RYR2: variants seen among roughly 807,000 people sequenced by gnomAD.
RYR2 encodes the protein cardiac muscle ryanodine receptor-calcium release channel.
In RYR2, 227 loss-of-function variants were observed where a neutral mutation model predicts 601.1. The ratio of observed to expected loss-of-function variants is 0.38; its 90% confidence interval spans 0.34 to 0.42. The LOEUF (loss-of-function observed/expected upper bound fraction) is 0.42. RYR2 is among the 10% of genes least tolerant of loss of function. The pLI is 1.00. For missense variants in RYR2, 4,646 were observed against 6,156.5 expected, an observed-to-expected ratio of 0.75 and a Z score of 8.21; for synonymous variants, 2,223 against 2,175.1, an observed-to-expected ratio of 1.02 and a Z score of -0.61.
Position 237,674,835 on chromosome 1 carries a change from T to A in RYR2, c.8819T>A (p.Ile2940Asn). 1 of 1,600,792 alleles carries A rather than the reference T, an allele frequency of 6.2e-7. No homozygotes were observed. Among genetic ancestry groups the A allele is most frequent in the Non-Finnish European group, 8.6e-7 (1 of 1,168,974 alleles). ...TATGTGGATGAAGCCCATCAGTATATCCTGGAGTTTGGTAGGTACCATAGT... is the reference window on the plus strand; with the variant it reads ...TATGTGGATGAAGCCCATCAGTATAACCTGGAGTTTGGTAGGTACCATAGT... ...IRYVDEAHQY[I>N]LEFDGGSRGK... Residue 2940 changes from isoleucine (I) to asparagine (N), a missense_variant, in exon 60 of 105, where the codon ATC becomes AAC. Coordinates refer to ENST00000366574, the MANE Select transcript of RYR2 (RefSeq NM_001035.3).
In RYR2 at chr1:237,106,865, G is replaced by A. The variant is rs376655054; in HGVS notation, c.48+64296G>A. ...GGCTGTCTTCTTGCTGTGTTGTCACGTGTAGAAGGGACAAAGGAGCTCTCT... is the reference window on the plus strand; with the variant it reads ...GGCTGTCTTCTTGCTGTGTTGTCACATGTAGAAGGGACAAAGGAGCTCTCT... On this transcript the variant is annotated intron_variant, in intron 1 of 104. Transcript: ENST00000366574. This position sits in a 1 kb window ranked among gnomAD's most constrained non-coding sequence, Gnocchi z 4.4. 5.3e-5 allele frequency among the ~76,000 whole-genome samples: 8 copies of A among 152,178 alleles called. No homozygotes were observed. Among genetic ancestry groups the A allele is most frequent in the Non-Finnish European group, 1.0e-4 (7 of 68,040 alleles).
intron 1 of RYR2, among the ~76,000 whole-genome samples, chr1:237,044,278 T>G (rs1297448253): frequency 6.6e-6 from 1 of 152,206 alleles, no homozygotes; most frequent in Non-Finnish European, 1.5e-5. Context: ...TGCTGTATAA[T>G]TTTTCAATCA....
intron 2 of RYR2, among the ~76,000 whole-genome samples, chr1:237,290,290 A>G (rs968224200): frequency 1.3e-5 from 2 of 152,238 alleles, no homozygotes; most frequent in African/African-American, 4.8e-5. Flanking sequence ...TTCCATGTAT[A>G]TGAAATGATA....
At position 237,700,490 on chromosome 1, in the gene RYR2, GT is replaced by G. The variant is rs371120316; in HGVS notation, c.9367+36del. On this transcript the variant is annotated intron_variant, in intron 65 of 104. Transcript: ENST00000366574. ...TATGTATGTAAATTTATATCTTGGA[GT>G]TTTTTTTTTTTTAATCGAAATACCC... is the stretch of plus-strand genomic sequence containing the variant. The G allele has an allele frequency of 0.045, 42,123 of 929,670 alleles. 105 individuals are homozygous for G. Among genetic ancestry groups the G allele is most frequent in the African/African-American group, 0.085 (4,958 of 58,532 alleles). 57.6% of individuals were successfully genotyped at this position (929,670 alleles called of 1,614,324 possible). A position where few individuals can be genotyped will look rare whatever the true frequency, so the allele number is the denominator to read the frequency against.
At chr1:237,775,984 G>A (rs1694630203) in intron 87 of RYR2, among the ~76,000 whole-genome samples, 1 of 152,186 alleles carries the variant, frequency 6.6e-6, no homozygotes, top group African/African-American at 2.4e-5. Context: ...ATGAGGGTTG[G>A]CCAAACAACT....
intron 2 of RYR2, among the ~76,000 whole-genome samples, chr1:237,288,865 C>G (rs1691877876): frequency 6.6e-6 from 1 of 152,120 alleles, no homozygotes; most frequent in Admixed American, 6.5e-5. Flanking sequence ...CAAAGGCCAG[C>G]TAGAGATTTC....
intron 2 of RYR2, among the ~76,000 whole-genome samples, chr1:237,285,179 C>T (rs1164677038): frequency 6.6e-6 from 1 of 152,054 alleles, no homozygotes. Flanking sequence ...TCTTAGATGG[C>T]TTTTATTACA....
At chr1:237,074,083 GAGGC>G (rs1285903640) in intron 1 of RYR2, among the ~76,000 whole-genome samples, 1 of 152,088 alleles carries the variant, frequency 6.6e-6, no homozygotes, top group Non-Finnish European at 1.5e-5. Context: ...TCAGGGGGCA[GAGGC>G]AGAAGTATTG....
intron 27 of RYR2, among the ~76,000 whole-genome samples, chr1:237,565,175 CT>C (rs57381947): frequency 0.33 from 32,459 of 97,050 alleles, 5,164 homozygotes; most frequent in East Asian, 0.48. Context: ...TTCTTTCTTT[CT>C]TTCTTTCTTT....
intron 96 of RYR2, 82 bp downstream of exon 96, chr1:237,795,413 A>T: frequency 1.4e-6 from 1 of 695,322 alleles, no homozygotes; most frequent in South Asian, 1.9e-5. Context: ...GTAGAATAAG[A>T]TATTGAGGTA....
At chr1:237,457,257 C>T (rs1658950424) in intron 16 of RYR2, among the ~76,000 whole-genome samples, 2 of 152,154 alleles carry the variant, frequency 1.3e-5, no homozygotes, top group East Asian at 1.9e-4. Context: ...CCAGTCTTCT[C>T]TCTATTCTTT....
intron 33 of RYR2, 116 bp from the exon 34 acceptor site, chr1:237,595,382 C>T (rs1303186199): frequency 8.3e-7 from 1 of 1,207,268 alleles, no homozygotes; most frequent in Admixed American, 2.7e-5. Flanking sequence ...TGCACCTCTC[C>T]CATTACAGCA....
At chr1:237,642,242 C>T (rs1681634076) in intron 47 of RYR2, among the ~76,000 whole-genome samples, 1 of 152,176 alleles carries the variant, frequency 6.6e-6, no homozygotes, top group African/African-American at 2.4e-5. Context: ...GAGGTTAAAA[C>T]TTCCTTGATG....
At chr1:237,700,737 C>A (rs1425901168) in intron 65 of RYR2, among the ~76,000 whole-genome samples, 1 of 152,020 alleles carries the variant, frequency 6.6e-6, no homozygotes, top group Non-Finnish European at 1.5e-5. Flanking sequence ...TCCAAATGAT[C>A]ACTATTTCTA....
chr1:237,632,429 C>G (rs978050579), intron 42 of RYR2, among the ~76,000 whole-genome samples: 38 of 134,186 alleles, frequency 2.8e-4, no homozygotes, highest in African/African-American at 8.8e-4. Flanking sequence ...GAGTCTCAGT[C>G]TCTTGCCCAG....
Position 237,582,262 on chromosome 1 carries a change from C to A in RYR2, c.3599-7531C>A, listed in dbSNP as rs563963445. On this transcript the variant is annotated intron_variant, in intron 29 of 104. Transcript: ENST00000366574. ...GGATTACAGGCACTGGCCACCACACCCAGATAATTTTTTTTTTTTGTATTT... is the reference window on the plus strand; with the variant it reads ...GGATTACAGGCACTGGCCACCACACACAGATAATTTTTTTTTTTTGTATTT... 8.0e-5 allele frequency among the ~76,000 whole-genome samples: 10 copies of A among 124,672 alleles called. No homozygotes were observed. In the South Asian group the frequency reaches 3.3e-3, roughly 41 times the overall value. The allele number at this position is 124,672 out of a possible 152,430, so 81.8% of individuals were successfully genotyped here. A position where few individuals can be genotyped will look rare whatever the true frequency, so the allele number is the denominator to read the frequency against.
At chr1:237,546,567 G>C (rs150494091) in intron 25 of RYR2, among the ~76,000 whole-genome samples, 2 of 152,090 alleles carry the variant, frequency 1.3e-5, no homozygotes, top group Non-Finnish European at 2.9e-5. Context: ...TTTTAGTAGA[G>C]ATGGGGTTTT....
chr1:237,709,779 C>G (rs1688677515), intron 70 of RYR2, among the ~76,000 whole-genome samples: 2 of 152,236 alleles, frequency 1.3e-5, no homozygotes, highest in East Asian at 3.9e-4. Flanking sequence ...AAATTTGCCC[C>G]TAAATTTTGG....
intron 35 of RYR2, among the ~76,000 whole-genome samples, chr1:237,609,940 T>TC (rs1166075345): frequency 2.1e-5 from 3 of 145,378 alleles, no homozygotes; most frequent in African/African-American, 5.4e-5. Context: ...ACTTGGTTTT[T>TC]CCCCGCCTAT....
Sources: allele counts gnomAD v4.1 joint callset (sites outside exome capture counted in the v4.1 genomes callset), GRCh38; gene constraint gnomAD v4.1.1; non-coding constraint Gnocchi (gnomAD v3.1); transcripts MANE v1.5; gene names NCBI Gene and HGNC (gene_info 2026-07-23, HGNC 2026-07-21).